The following PCDHGA6 variants were observed in gnomAD, a reference collection of about 807,000 sequenced individuals.
PCDHGA6 encodes protocadherin gamma subfamily A, 6.
In PCDHGA6, 41 loss-of-function variants were observed where a neutral mutation model predicts 60.6. The ratio of observed to expected loss-of-function variants is 0.68; its 90% CI spans 0.53 to 0.88. The LOEUF (loss-of-function observed/expected upper bound fraction) is 0.88. PCDHGA6 is among the 40% of genes least tolerant of loss of function. The pLI is 0.00. For synonymous variants in PCDHGA6, 594 were observed against 524.4 expected (o/e 1.13, Z -1.81); for missense variants, 1,312 against 1,203.0 (o/e 1.09, Z -1.34).
chr5:141,491,954 C>CA lies in PCDHGA6; in HGVS notation c.2425-2847dup. 1 of 1,032,920 alleles carries CA rather than the reference C, an allele frequency of 9.7e-7. No homozygotes were observed. Among genetic ancestry groups the CA allele is most frequent in the Non-Finnish European group, 1.3e-6 (1 of 747,262 alleles). 64.0% of individuals were successfully genotyped at this position (1,032,920 alleles called of 1,614,324 possible). A position where few individuals can be genotyped will look rare whatever the true frequency, so the allele number is the denominator to read the frequency against. ...TGGGACCGACCCCCACCCCTACACTCAAAAAAGGCCGGGGCCTCCTTCGAG... is the reference window on the plus strand; with the variant it reads ...TGGGACCGACCCCCACCCCTACACTCAAAAAAAGGCCGGGGCCTCCTTCGAG... On this transcript the variant is annotated intron_variant, in intron 1 of 3. Coordinates refer to ENST00000517434, the MANE Select transcript of PCDHGA6 (RefSeq NM_018919.3). This position sits in a 1 kb window ranked among gnomAD's most constrained non-coding sequence, Gnocchi z 6.9.
chr5:141,395,589 T>C (rs1254958503), intron 1 of PCDHGA6: 2 of 194,644 alleles, frequency 1.0e-5, no homozygotes, highest in Admixed American at 1.2e-4. Context: ...TGTGTGTGTG[T>C]GTATCCCAAA....
Position 141,431,431 on chromosome 5 carries a change from C to T in PCDHGA6, c.2424+54924C>T, listed in dbSNP as rs776557037. ...ACGGGGGCGACCCGGTGCGCACAGG[C>T]ACCGCGCGCATCCGCGTGATGGTTC... is the stretch of plus-strand genomic sequence containing the variant. On this transcript the variant is annotated intron_variant, in intron 1 of 3. Transcript: ENST00000517434. This position sits in a 1 kb window ranked among gnomAD's most constrained non-coding sequence, Gnocchi z 4.8. 11 of 1,613,586 alleles carry T rather than the reference C, an allele frequency of 6.8e-6. No individual in the cohort carries two copies. The East Asian group carries it at 1.1e-4, about 16-fold the overall frequency.
At chr5:141,467,008 AT>A (rs1165146249) in intron 1 of PCDHGA6, among the ~76,000 whole-genome samples, 2 of 150,270 alleles carry the variant, frequency 1.3e-5, no homozygotes, top group Non-Finnish European at 3.0e-5. Context: ...TTGCAATGCA[AT>A]TTTTTTCCCT....
chr5:141,510,839 C>T (rs186647886), intron 3 of PCDHGA6, 108 bp from the exon 4 acceptor site: 36 of 1,586,990 alleles, frequency 2.3e-5, no homozygotes, highest in Non-Finnish European at 3.1e-5. Context: ...TCAGCGTGGT[C>T]AAGGCCCAGG....
Position 141,476,461 on chromosome 5 carries a change from G to T in PCDHGA6, c.2425-18346G>T. On this transcript the variant is annotated intron_variant, in intron 1 of 3. Transcript: ENST00000517434. This position sits in a 1 kb window ranked among gnomAD's most constrained non-coding sequence, Gnocchi z 7.6. The stretch of plus-strand genomic sequence containing the variant: ...CTCTGGAGTTGGTAGTGGAGAACCC[G>T]CTGGAGCTGTTCAGCGTGGAAGTGG... The T allele has an allele frequency of 6.2e-7, 1 of 1,614,122 alleles. No homozygotes were observed. Among genetic ancestry groups the T allele is most frequent in the Non-Finnish European group, 8.5e-7 (1 of 1,180,022 alleles).
At chr5:141,386,994 AT>A (rs1291262145) in intron 1 of PCDHGA6, among the ~76,000 whole-genome samples, 1 of 152,224 alleles carries the variant, frequency 6.6e-6, no homozygotes, top group Non-Finnish European at 1.5e-5. Flanking sequence ...GCTATGTATT[AT>A]CCCCCTGATA....
At position 141,473,122 on chromosome 5, in the gene PCDHGA6, T is replaced by C. The variant is rs533113606; in HGVS notation, c.2425-21685T>C. On this transcript the variant is annotated intron_variant, in intron 1 of 3. Coordinates refer to ENST00000517434, the MANE Select transcript of PCDHGA6 (RefSeq NM_018919.3). ...TATTACCACACTTTACTTGGCTCTT[T>C]GGCAAACTATATTATCTCTTCAGAT... Among the ~76,000 whole-genome samples, 3 of 152,362 alleles carry C rather than the reference T, an allele frequency of 2.0e-5. No homozygotes were observed. In the East Asian group the frequency reaches 5.8e-4, roughly 29 times the overall value.
intron 1 of PCDHGA6, chr5:141,420,339 T>C: frequency 7.2e-7 from 1 of 1,395,458 alleles, no homozygotes; most frequent in Non-Finnish European, 9.6e-7. Context: ...TCCAATATAG[T>C]GGTATTATTT....
At chr5:141,418,974 G>A in intron 1 of PCDHGA6, 2 of 1,613,936 alleles carry the variant, frequency 1.2e-6, no homozygotes, top group Non-Finnish European at 1.7e-6. Context: ...TTCAAAACAC[G>A]GGACCAAGAC....
rs1277096139 is a variant in PCDHGA6, at chr5:141,374,097, A to G, written c.14A>G (p.Gln5Arg). The change falls in exon 1 of 4, where the codon CAG becomes CGG. Residue 5 changes from glutamine (Q) to arginine (R), a missense_variant. Gln to Arg is a conservative substitution (Grantham distance 43). Transcript: ENST00000517434. MAPP[Q>R]RHPQRSEQVL... ...AATAAGCCAGTAATGGCGCCTCCGC[A>G]GAGGCATCCGCAGCGCAGCGAGCAG... The G allele has an allele frequency of 3.2e-6, 5 of 1,560,098 alleles. No homozygotes were observed. Among genetic ancestry groups the G allele is most frequent in the Non-Finnish European group, 4.3e-6 (5 of 1,151,996 alleles).
intron 1 of PCDHGA6, chr5:141,392,578 A>G: frequency 2.2e-6 from 1 of 461,792 alleles, no homozygotes; most frequent in Non-Finnish European, 3.8e-6. Context: ...TTAGGACTGT[A>G]AGCGCCGCTG....
intron 1 of PCDHGA6, chr5:141,420,119 T>C: frequency 6.2e-7 from 1 of 1,614,044 alleles, no homozygotes; most frequent in Non-Finnish European, 8.5e-7. Context: ...TGCCTATAAT[T>C]TTTGTGTGCC....
intron 1 of PCDHGA6, among the ~76,000 whole-genome samples, chr5:141,406,193 C>T (rs2094777569): frequency 1.3e-5 from 2 of 151,820 alleles, no homozygotes. Flanking sequence ...CCACCTCAGC[C>T]TTCACAGTAG....
At chr5:141,415,056 G>C in intron 1 of PCDHGA6, 2 of 1,613,416 alleles carry the variant, frequency 1.2e-6, no homozygotes, top group Non-Finnish European at 1.7e-6. Flanking sequence ...GGGAGCACAC[G>C]GGCGAGGTGC....
chr5:141,509,132 G>A (rs1261849657), intron 3 of PCDHGA6, among the ~76,000 whole-genome samples: 1 of 152,150 alleles, frequency 6.6e-6, no homozygotes, highest in Admixed American at 6.5e-5. Flanking sequence ...GAGAAAAACC[G>A]AGGCGCATCC....
At chr5:141,494,763 C>T in intron 1 of PCDHGA6, 44 bp from the exon 2 acceptor site, 4 of 1,613,926 alleles carry the variant, frequency 2.5e-6, no homozygotes, top group Admixed American at 1.7e-5. Context: ...GACATTCTAA[C>T]TTCTCACGGG....
chr5:141,452,088 AAG>A (rs1200732162), intron 1 of PCDHGA6, among the ~76,000 whole-genome samples: 2 of 152,206 alleles, frequency 1.3e-5, no homozygotes, highest in African/African-American at 4.8e-5. Flanking sequence ...ATTATACAGT[AAG>A]AAAGAGCTTT....
chr5:141,488,040 G>A (rs1212272063), intron 1 of PCDHGA6, among the ~76,000 whole-genome samples: 1 of 152,112 alleles, frequency 6.6e-6, no homozygotes, highest in Non-Finnish European at 1.5e-5. Flanking sequence ...CATTTCCCAA[G>A]GGATTGAGGG....
rs1257609378 is a variant in PCDHGA6 at position 141,385,552 on chromosome 5, T to TA, written c.2424+9045_2424+9046insA. Reference sequence around the variant, plus strand: ...ATTATGAATATGTGGACTATCACATTTTATAATTTCCACCTACTTTCCAAT... The same window carrying TA: ...ATTATGAATATGTGGACTATCACATTATTATAATTTCCACCTACTTTCCAAT... On this transcript the variant is annotated intron_variant, in intron 1 of 3. Transcript: ENST00000517434. 1.1e-5 allele frequency: 14 copies of TA among 1,315,750 alleles called. No individual in the cohort carries two copies. The African/African-American group carries it at 2.1e-4, about 20-fold the overall frequency. The allele number at this position is 1,315,750 out of a possible 1,614,324, so 81.5% of individuals were successfully genotyped here. A position where few individuals can be genotyped will look rare whatever the true frequency, so the allele number is the denominator to read the frequency against.
Sources: gnomAD v4.1 joint callset for allele counts (sites outside exome capture counted in the v4.1 genomes callset) on GRCh38, gnomAD v4.1.1 for gene constraint, Gnocchi (gnomAD v3.1) non-coding constraint, MANE v1.5 for transcripts, NCBI Gene and HGNC (gene_info 2026-07-23, HGNC 2026-07-21) for gene names.